Variants in CEP63 observed in about 807,000 individuals in gnomAD.
CEP63 encodes the protein centrosomal protein of 63 kDa.
Under a neutral mutation model 89.1 loss-of-function variants are expected in CEP63, and 84 were observed. That is an observed-to-expected ratio of 0.94 (90% confidence interval 0.79 to 1.13). The LOEUF is 1.13. CEP63 is among the 50% of genes most tolerant of loss of function. CEP63 has a pLI of 0.00. For synonymous variants in CEP63, 267 were observed against 272.5 expected (o/e 0.98, Z 0.20); for missense variants, 838 against 813.3 (o/e 1.03, Z -0.37).
chr3:134,561,362 T>C lies in CEP63; in HGVS notation c.1954-15T>C. 1.9e-6 allele frequency: 3 copies of C among 1,609,716 alleles called. No individual in the cohort carries two copies. The highest frequency in any genetic ancestry group is 2.6e-6 in the Non-Finnish European group (3 of 1,176,068). On this transcript the variant is annotated splice_polypyrimidine_tract_variant and intron_variant, in intron 14 of 14. Transcript: ENST00000675561. ...TCTACTTATTTACACATGTCAAAAT[T>C]TGTGTCTCTTCCAGTGTTCCTTGCC...
chr3:134,570,864 A>G (rs1002108136), intron 11 of CEP63, among the ~76,000 whole-genome samples: 1 of 152,218 alleles, frequency 6.6e-6, no homozygotes, highest in East Asian at 1.9e-4. Context: ...CCTCACAATC[A>G]TGGCAGAAGG....
chr3:134,716,557 G>C, the CEP63 span, among the ~76,000 whole-genome samples: 1 of 152,144 alleles, frequency 6.6e-6, no homozygotes, highest in African/African-American at 2.4e-5. Context: ...TGTCTAGTCT[G>C]CCATACATCC....
the CEP63 span, among the ~76,000 whole-genome samples, chr3:134,717,874 T>C: frequency 6.6e-6 from 1 of 152,320 alleles, no homozygotes; most frequent in South Asian, 2.1e-4. Context: ...ATTCAGCCTC[T>C]GCTTGGATGT....
the CEP63 span, among the ~76,000 whole-genome samples, chr3:134,678,072 G>GCACCTGGGC: frequency 6.6e-6 from 1 of 151,972 alleles, no homozygotes; most frequent in Non-Finnish European, 1.5e-5. Flanking sequence ...CTTTGGCAGG[G>GCACCTGGGC]CACCTGGGCC....
intron 11 of CEP63, 119 bp from the exon 12 acceptor site, chr3:134,551,807 G>GTATA: frequency 3.2e-6 from 1 of 310,746 alleles, no homozygotes; most frequent in South Asian, 4.2e-5. Context: ...ATATGTATAT[G>GTATA]TATATATATA....
At chr3:134,619,277 G>T in the CEP63 span, 1 of 1,599,762 alleles carries the variant, frequency 6.3e-7, no homozygotes, top group East Asian at 2.2e-5. Context: ...TATAGGGCAG[G>T]TGAGGGGATC....
the CEP63 span, among the ~76,000 whole-genome samples, chr3:134,715,243 A>C: frequency 6.6e-6 from 1 of 152,062 alleles, no homozygotes; most frequent in Non-Finnish European, 1.5e-5. Context: ...GCCCATGTGG[A>C]GTAGGGGTGA....
intron 5 of CEP63, chr3:134,535,733 A>G (rs758886643): frequency 2.6e-5 from 4 of 152,102 alleles, no homozygotes; most frequent in Non-Finnish European, 5.9e-5. Context: ...TCATCTCCCC[A>G]ACACTGATTC....
chr3:134,758,563 G>A, the CEP63 span, among the ~76,000 whole-genome samples: 1 of 152,182 alleles, frequency 6.6e-6, no homozygotes, highest in African/African-American at 2.4e-5. Context: ...TAAGGCCTAA[G>A]GAGTGAAGCC....
the CEP63 span, among the ~76,000 whole-genome samples, chr3:134,699,755 A>G: frequency 6.6e-6 from 1 of 152,138 alleles, no homozygotes; most frequent in African/African-American, 2.4e-5. Flanking sequence ...TCTATCTCCA[A>G]CCTTGACTGT....
At chr3:134,763,453 TA>T in the CEP63 span, among the ~76,000 whole-genome samples, 1 of 152,214 alleles carries the variant, frequency 6.6e-6, no homozygotes, top group Non-Finnish European at 1.5e-5. Context: ...GCCAGCACTA[TA>T]TAATCTAAGA....
the CEP63 span, among the ~76,000 whole-genome samples, chr3:134,678,167 G>A: frequency 6.6e-6 from 1 of 152,062 alleles, no homozygotes; most frequent in African/African-American, 2.4e-5. Flanking sequence ...AGAGCTGCTT[G>A]TTGGTAGCCA....
chr3:134,492,365 C>A (rs1937964035), intron 1 of CEP63, among the ~76,000 whole-genome samples: 1 of 152,078 alleles, frequency 6.6e-6, no homozygotes, highest in African/African-American at 2.4e-5. Flanking sequence ...GAATGATGGT[C>A]AGGTTGGTTA....
At chr3:134,504,460 G>A (rs1259519727) in intron 2 of CEP63, among the ~76,000 whole-genome samples, 1 of 152,160 alleles carries the variant, frequency 6.6e-6, no homozygotes, top group East Asian at 1.9e-4. Flanking sequence ...GAAATCTGCT[G>A]TTAGTCTGAT....
At chr3:134,679,483 A>G in the CEP63 span, among the ~76,000 whole-genome samples, 1 of 151,940 alleles carries the variant, frequency 6.6e-6, no homozygotes, top group Non-Finnish European at 1.5e-5. Context: ...AGCACATCTC[A>G]CTGCAGAACA....
intron 7 of CEP63, 65 bp downstream of exon 7, chr3:134,545,884 A>C (rs558488874): frequency 2.9e-5 from 35 of 1,219,528 alleles, no homozygotes; most frequent in African/African-American, 4.5e-5. Context: ...GAGTGTTATT[A>C]AGCTAGAACT....
the CEP63 span, among the ~76,000 whole-genome samples, chr3:134,661,666 A>G: frequency 1.3e-5 from 2 of 152,162 alleles, no homozygotes; most frequent in African/African-American, 4.8e-5. Flanking sequence ...GGAAGATATT[A>G]TGAAAAGAGA....
intron 2 of CEP63, among the ~76,000 whole-genome samples, chr3:134,506,349 A>G (rs1253761674): frequency 1.3e-5 from 2 of 152,166 alleles, no homozygotes; most frequent in Admixed American, 1.3e-4. Flanking sequence ...CAGCTCTTAC[A>G]ATTGTATTAT....
chr3:134,520,673 C>A (rs544700834), intron 3 of CEP63, among the ~76,000 whole-genome samples: 41 of 152,162 alleles, frequency 2.7e-4, no homozygotes, highest in African/African-American at 9.4e-4. Flanking sequence ...TGTGGTATTG[C>A]AAGGATAGAA....
Sources: gnomAD v4.1 joint callset for allele counts (sites outside exome capture counted in the v4.1 genomes callset) on GRCh38, gnomAD v4.1.1 for gene constraint, MANE v1.5 for transcripts, NCBI Gene and HGNC (gene_info 2026-07-23, HGNC 2026-07-21) for gene names.